Variants in ARID5B observed in about 807,000 individuals in gnomAD.
ARID5B encodes AT-rich interaction domain 5B.
A neutral mutation model predicts 97.2 loss-of-function variants in ARID5B; 13 were observed. The observed-to-expected ratio is 0.13, with a 90% CI of 0.09 to 0.21. The LOEUF is 0.21. Ranked by LOEUF, ARID5B falls within the 10% of genes least tolerant of loss-of-function variation. The pLI, the probability that ARID5B is intolerant of heterozygous loss-of-function variation, is 1.00. For synonymous variants in ARID5B, 556 were observed against 570.3 expected, an observed-to-expected ratio of 0.97 and a Z score of 0.36; for missense variants, 1,210 against 1,465.3, an observed-to-expected ratio of 0.83 and a Z score of 2.84.
chr10:62,015,247 T>G (rs2132884347), intron 4 of ARID5B, among the ~76,000 whole-genome samples: 1 of 152,350 alleles, frequency 6.6e-6, no homozygotes. Context: ...GCACCTACTA[T>G]GTTCATTATC....
chr10:62,046,436 A>G (rs149706740), intron 4 of ARID5B, among the ~76,000 whole-genome samples: 118 of 152,318 alleles, frequency 7.7e-4, no homozygotes, highest in African/African-American at 2.8e-3. Context: ...CAGCTTCTAG[A>G]CCCTTTAAGA....
At position 62,052,027 on chromosome 10, in the gene ARID5B, A is replaced by G. The variant is rs551195091; in HGVS notation, c.846+1027A>G. ...AATGAAGTAAATCTTAGACTTTCACATTCTAAAAAATCTTATCTTTAAGCA... is the reference window on the plus strand; with the variant it reads ...AATGAAGTAAATCTTAGACTTTCACGTTCTAAAAAATCTTATCTTTAAGCA... On this transcript the variant is annotated intron_variant, in intron 5 of 9. Coordinates refer to ENST00000279873, the MANE Select transcript of ARID5B (RefSeq NM_032199.3). 1.1e-3 allele frequency among the ~76,000 whole-genome samples: 163 copies of G among 152,288 alleles called. No homozygotes were observed. The Middle Eastern group carries it at 0.014, about 13-fold the overall frequency.
At chr10:61,979,396 A>G (rs1209351568) in intron 3 of ARID5B, among the ~76,000 whole-genome samples, 1 of 152,186 alleles carries the variant, frequency 6.6e-6, no homozygotes, top group Non-Finnish European at 1.5e-5. Flanking sequence ...GTTCCTGGTG[A>G]GCCATGTAGA....
intron 4 of ARID5B, among the ~76,000 whole-genome samples, chr10:62,027,100 C>G (rs1407533827): frequency 5.9e-5 from 9 of 151,928 alleles, no homozygotes; most frequent in Non-Finnish European, 1.3e-4. Flanking sequence ...TTCACCACCT[C>G]CATGATACAA....
chr10:61,921,495 C>T (rs1844014356), intron 2 of ARID5B, among the ~76,000 whole-genome samples: 1 of 152,180 alleles, frequency 6.6e-6, no homozygotes, highest in Admixed American at 6.5e-5. Flanking sequence ...GCCACATGGG[C>T]CTCTCCATAG....
At chr10:62,012,463 G>A (rs1021020359) in intron 4 of ARID5B, among the ~76,000 whole-genome samples, 1 of 152,208 alleles carries the variant, frequency 6.6e-6, no homozygotes, top group Admixed American at 6.5e-5. Flanking sequence ...TGCCAAGGTT[G>A]CAGTGAGCCA....
chr10:61,966,195 A>G (rs1010202057), intron 3 of ARID5B, among the ~76,000 whole-genome samples: 2 of 152,180 alleles, frequency 1.3e-5, no homozygotes, highest in African/African-American at 2.4e-5. Context: ...CATTGATTTC[A>G]CAACAGCTTT....
rs141967560 is a variant in ARID5B, at chr10:61,969,157, T to TC, written c.502+28756dup. Among the ~76,000 whole-genome samples the TC allele has an allele frequency of 9.2e-5, 14 of 151,788 alleles. No homozygotes were observed. The East Asian group carries it at 1.9e-3, about 21-fold the overall frequency. ...GTTCCTTAGCTGCTCTGCAATACCC[T>TC]CCCCCCCAAATAAAGTGCTTTGTTT... On this transcript the variant is annotated intron_variant, in intron 3 of 9. Coordinates refer to ENST00000279873, the MANE Select transcript of ARID5B (RefSeq NM_032199.3).
chr10:61,967,107 C>G (rs1386970428), intron 3 of ARID5B, among the ~76,000 whole-genome samples: 1 of 151,928 alleles, frequency 6.6e-6, no homozygotes, highest in African/African-American at 2.4e-5. Flanking sequence ...CATTTTTTAG[C>G]CCTTTAAGAG....
intron 4 of ARID5B, among the ~76,000 whole-genome samples, chr10:62,036,683 A>G (rs992867366): frequency 1.3e-5 from 2 of 152,212 alleles, no homozygotes; most frequent in Non-Finnish European, 2.9e-5. Context: ...TCTTGGGATG[A>G]CAGGGCTCAC....
chr10:61,902,471 T>G, intron 2 of ARID5B, 58 bp downstream of exon 2: 1 of 1,584,748 alleles, frequency 6.3e-7, no homozygotes, highest in Middle Eastern at 1.7e-4. Flanking sequence ...CTAGTAATGC[T>G]TATTACAGGG....
At chr10:62,089,933 C>A (rs1840345805) in intron 9 of ARID5B, among the ~76,000 whole-genome samples, 1 of 152,164 alleles carries the variant, frequency 6.6e-6, no homozygotes, top group South Asian at 2.1e-4. Context: ...AGAATGACAG[C>A]AGTTTTGAAA....
chr10:61,954,441 C>A (rs1007676546), intron 3 of ARID5B, among the ~76,000 whole-genome samples: 1 of 151,976 alleles, frequency 6.6e-6, no homozygotes, highest in Non-Finnish European at 1.5e-5. Context: ...TGTGTATTGT[C>A]CTACAGACCT....
rs58564894 is a variant in ARID5B at position 61,946,518 on chromosome 10, G to A, written c.502+6110G>A. Among the ~76,000 whole-genome samples, 374 of 152,234 alleles carry A rather than the reference G, an allele frequency of 2.5e-3. 3 individuals carry two copies. Among genetic ancestry groups the A allele is most frequent in the African/African-American group, 8.6e-3 (358 of 41,540 alleles). ...TTTGTTGCTTGGATTGCTGGCCTAA[G>A]TCTACTATTTTTCTTAACACTGCAA... is the stretch of plus-strand genomic sequence containing the variant. On this transcript the variant is annotated intron_variant, in intron 3 of 9. Coordinates refer to ENST00000279873, the MANE Select transcript of ARID5B (RefSeq NM_032199.3).
At chr10:61,916,377 C>T (rs977499062) in intron 2 of ARID5B, among the ~76,000 whole-genome samples, 1 of 152,180 alleles carries the variant, frequency 6.6e-6, no homozygotes, top group African/African-American at 2.4e-5. Flanking sequence ...TGGGTGGTTG[C>T]AGCAGAGACT....
At chr10:61,933,226 A>G (rs1271335795) in intron 2 of ARID5B, among the ~76,000 whole-genome samples, 5 of 152,232 alleles carry the variant, frequency 3.3e-5, no homozygotes, top group African/African-American at 1.2e-4. Flanking sequence ...CAATTCATTC[A>G]CATCTTTGGG....
chr10:62,078,683 C>T (rs991060340), intron 8 of ARID5B, among the ~76,000 whole-genome samples: 1 of 152,172 alleles, frequency 6.6e-6, no homozygotes, highest in East Asian at 1.9e-4. Flanking sequence ...ATCAGCCTTC[C>T]TTAAGTCCAT....
chr10:61,978,655 T>C (rs1477167774), intron 3 of ARID5B, among the ~76,000 whole-genome samples: 37 of 152,220 alleles, frequency 2.4e-4, no homozygotes, highest in Admixed American at 1.9e-3. Context: ...GATTTGGCTC[T>C]CTGTTTGTCT....
intron 3 of ARID5B, among the ~76,000 whole-genome samples, chr10:61,948,012 G>A (rs919875739): frequency 6.6e-6 from 1 of 152,190 alleles, no homozygotes; most frequent in Non-Finnish European, 1.5e-5. Flanking sequence ...ACTGAAGATG[G>A]ACCATCAGCT....
Sources: allele counts gnomAD v4.1 joint callset (sites outside exome capture counted in the v4.1 genomes callset), GRCh38; gene constraint gnomAD v4.1.1; transcripts MANE v1.5; gene names NCBI Gene and HGNC (gene_info 2026-07-23, HGNC 2026-07-21).